Variants in IL17REL observed in about 807,000 individuals in gnomAD.
IL17REL encodes the protein interleukin-17 receptor E-like protein.
In IL17REL, 36 loss-of-function variants were observed where a neutral mutation model predicts 49.0. That is an observed-to-expected ratio of 0.73 (90% CI 0.56 to 0.97). The LOEUF (loss-of-function observed/expected upper bound fraction) is 0.97, where lower values mean the gene tolerates loss of function less well. IL17REL is among the 50% of genes least tolerant of loss of function. IL17REL has a pLI of 0.00. For missense variants in IL17REL, 470 were observed against 453.9 expected, an observed-to-expected ratio of 1.04 and a Z score of -0.32; for synonymous variants, 206 against 192.4, an observed-to-expected ratio of 1.07 and a Z score of -0.58.
chr22:50,000,567 G>A (rs867226882), exon 4 of IL17REL: 9 of 1,613,340 alleles, frequency 5.6e-6, no homozygotes, highest in Admixed American at 5.0e-5. Context: ...CACGCTCACC[G>A]CAAAGCAGCC....
chr22:50,003,579 T>C (rs2146753030), intron 1 of IL17REL, among the ~76,000 whole-genome samples: 1 of 150,580 alleles, frequency 6.6e-6, no homozygotes, highest in African/African-American at 2.4e-5. Context: ...TCCCAGCACT[T>C]TGAGAGGCCA....
Position 49,999,497 on chromosome 22 carries a change from G to A in IL17REL, c.480C>T (p.Thr160=), listed in dbSNP as rs1460721291. The stretch of plus-strand genomic sequence containing the variant: ...AGACGGCCTGGGAGACGCTGTTGGC[G>A]GTCACCTGCAACCCAGAAAGGGCGG... Residue 160 remains threonine (T), a synonymous_variant, in exon 6 of 13, where the codon ACC becomes ACT. Transcript: ENST00000341280. 7.5e-6 allele frequency: 12 copies of A among 1,605,648 alleles called. No homozygotes were observed. The South Asian group carries it at 7.7e-5, about 10-fold the overall frequency.
intron 1 of IL17REL, among the ~76,000 whole-genome samples, chr22:50,007,193 A>G (rs1166640565): frequency 2.6e-5 from 4 of 152,116 alleles, no homozygotes; most frequent in African/African-American, 9.7e-5. Flanking sequence ...GGACTCAAAC[A>G]GGAATTCCCT....
chr22:50,003,519 C>CAAAAAA lies in IL17REL; in HGVS notation c.-41-2294_-41-2289dup, dbSNP rs142337526. The stretch of plus-strand genomic sequence containing the variant: ...CTGGAGACAGAGTGAGACTCCATCT[C>CAAAAAA]AAAAAAAAAAAAAAAAAAAAAAAAG... On this transcript the variant is annotated intron_variant, in intron 1 of 12. Coordinates refer to ENST00000341280, the Ensembl canonical transcript of IL17REL. Among the ~76,000 whole-genome samples, 80 of 39,040 alleles carry CAAAAAA rather than the reference C, an allele frequency of 2.0e-3. 3 individuals carry two copies. Among genetic ancestry groups the CAAAAAA allele is most frequent in the Non-Finnish European group, 2.9e-3 (63 of 21,398 alleles). The allele number at this position is 39,040 out of a possible 152,430, so 25.6% of individuals were successfully genotyped here.
At chr22:50,003,297 G>A (rs78647064) in intron 1 of IL17REL, among the ~76,000 whole-genome samples, 1 of 151,972 alleles carries the variant, frequency 6.6e-6, no homozygotes, top group African/African-American at 2.4e-5. Context: ...CAAGGCGGGC[G>A]GATCACCTGA....
chr22:49,998,874 G>GGC (rs1238179830), intron 7 of IL17REL, among the ~76,000 whole-genome samples: 2 of 151,586 alleles, frequency 1.3e-5, no homozygotes, highest in Non-Finnish European at 2.9e-5. Context: ...TATGTTCATG[G>GGC]GTGTCTGTGC....
At chr22:50,005,021 G>A (rs2061101547) in intron 1 of IL17REL, among the ~76,000 whole-genome samples, 1 of 148,634 alleles carries the variant, frequency 6.7e-6, no homozygotes, top group Non-Finnish European at 1.5e-5. Context: ...AAGGACTCAC[G>A]GTGAGCAAGG....
chr22:50,010,713 G>T (rs919878251), upstream of IL17REL, among the ~76,000 whole-genome samples: 1 of 152,134 alleles, frequency 6.6e-6, no homozygotes, highest in Non-Finnish European at 1.5e-5. Context: ...TGCAGGAGAA[G>T]CCGCTGTCGG....
At chr22:50,009,127 T>C (rs2061125039), upstream of IL17REL, 1 of 140,412 alleles carries the variant, frequency 7.1e-6, no homozygotes, top group Non-Finnish European at 1.5e-5. Context: ...CCGGATAGTG[T>C]GGGGGGTGCA....
At chr22:49,998,252 G>A (rs2061049682) in exon 8 of IL17REL, 2 of 1,612,434 alleles carry the variant, frequency 1.2e-6, no homozygotes, top group East Asian at 2.2e-5. Context: ...CCAGCTCAGT[G>A]TCTGGCTCTC....
chr22:50,004,461 G>A (rs1277975780), intron 1 of IL17REL, among the ~76,000 whole-genome samples: 4 of 152,184 alleles, frequency 2.6e-5, no homozygotes, highest in African/African-American at 9.7e-5. Context: ...AGTGAGGGGA[G>A]CTTTGTTCCC....
In IL17REL at chr22:49,999,985, T is replaced by C; in HGVS notation, c.335-18A>G. On this transcript the variant is annotated intron_variant, in intron 4 of 12. Transcript: ENST00000341280. ...CTTCCCCGCTGCAGGAGGCGGCAAG[T>C]CGGGGCCGCGCTGGGACCAGCGGTC... 6.7e-7 allele frequency: 1 copy of C among 1,492,050 alleles called. No homozygotes were observed. The highest frequency in any genetic ancestry group is 9.0e-7 in the Non-Finnish European group (1 of 1,116,368). The allele number at this position is 1,492,050 out of a possible 1,614,324, so 92.4% of individuals were successfully genotyped here. A position where few individuals can be genotyped will look rare whatever the true frequency, so the allele number is the denominator to read the frequency against.
upstream of IL17REL, among the ~76,000 whole-genome samples, chr22:50,012,199 G>A (rs2061144932): frequency 1.3e-5 from 2 of 152,230 alleles, no homozygotes; most frequent in South Asian, 4.1e-4. Context: ...ACAAGCCCAG[G>A]TGTTGCGGGC....
chr22:49,996,810 G>A lies in IL17REL; in HGVS notation c.*95C>T, dbSNP rs1014666226. 1.1e-5 allele frequency: 6 copies of A among 523,406 alleles called. No individual in the cohort carries two copies. The East Asian group carries it at 1.3e-4, about 12-fold the overall frequency. The allele number at this position is 523,406 out of a possible 1,614,324, so 32.4% of individuals were successfully genotyped here. A position where few individuals can be genotyped will look rare whatever the true frequency, so the allele number is the denominator to read the frequency against. The stretch of plus-strand genomic sequence containing the variant: ...TGAGAGATGGGCACCCACTGGAGCG[G>A]AGGTTGCAGAGCTGCTGGGGGACGG... On this transcript the variant is annotated 3_prime_UTR_variant, in exon 13 of 13. Coordinates refer to ENST00000341280, the Ensembl canonical transcript of IL17REL.
At chr22:50,001,586 G>C (rs1438875879) in intron 1 of IL17REL, among the ~76,000 whole-genome samples, 1 of 152,234 alleles carries the variant, frequency 6.6e-6, no homozygotes, top group Non-Finnish European at 1.5e-5. Flanking sequence ...AAGACGAACA[G>C]CAGAAAAGGC....
Position 50,002,617 on chromosome 22 carries a change from C to G in IL17REL, c.-41-1386G>C, listed in dbSNP as rs909400848. Among the ~76,000 whole-genome samples, 9 of 151,884 alleles carry G rather than the reference C, an allele frequency of 5.9e-5. No homozygotes were observed. The East Asian group carries it at 1.2e-3, about 20-fold the overall frequency. On this transcript the variant is annotated intron_variant, in intron 1 of 12. Coordinates refer to ENST00000341280, the Ensembl canonical transcript of IL17REL. ...TCAAGCAATTCTCCTGCCTCAGCCT[C>G]ACGAGTAGTCGGGATTACAGGCACG...
chr22:49,994,007 T>C (rs1040059441), downstream of IL17REL, among the ~76,000 whole-genome samples: 1 of 151,730 alleles, frequency 6.6e-6, no homozygotes, highest in African/African-American at 2.4e-5. Context: ...ACCCCCACTG[T>C]GCCCCTGACC....
chr22:49,998,370 G>T, intron 7 of IL17REL, 61 bp from the exon 10 acceptor site: 1 of 1,501,604 alleles, frequency 6.7e-7, no homozygotes, highest in Non-Finnish European at 9.0e-7. Context: ...CCAGGCCCAT[G>T]GGGTCTAGCA....
chr22:49,995,445 G>A (rs1024846782), exon 13 of IL17REL: 1 of 152,354 alleles, frequency 6.6e-6, no homozygotes, highest in Admixed American at 6.5e-5. Flanking sequence ...CAGGTGCCTA[G>A]GCCCCACAGT....
Sources: gnomAD v4.1 joint callset for allele counts (sites outside exome capture counted in the v4.1 genomes callset) on GRCh38, gnomAD v4.1.1 for gene constraint, MANE v1.5 for transcripts, NCBI Gene and HGNC (gene_info 2026-07-23, HGNC 2026-07-21) for gene names.